Variants in YLPM1 observed in about 807,000 individuals in gnomAD.
YLPM1 encodes YLP motif containing 1, also known as YLP motif-containing protein 1.
YLPM1 carries 99 observed loss-of-function variants against 230.0 expected under a neutral mutation model. The ratio of observed to expected loss-of-function variants is 0.43; its 90% CI spans 0.37 to 0.51. YLPM1 has a LOEUF of 0.51. Among genes scored for constraint, YLPM1 ranks in the 20% least tolerant of loss-of-function variants. The pLI, the probability that YLPM1 is intolerant of heterozygous loss-of-function variation, is 0.00. For synonymous variants in YLPM1, 984 were observed against 942.5 expected (o/e 1.04, Z -0.81); for missense variants, 2,592 against 2,707.7 (o/e 0.96, Z 0.95).
At chr14:74,801,190 T>C (rs1253791199) in intron 5 of YLPM1, among the ~76,000 whole-genome samples, 1 of 152,204 alleles carries the variant, frequency 6.6e-6, no homozygotes, top group Non-Finnish European at 1.5e-5. Context: ...CTAGGCAACA[T>C]GAACATAATT....
At chr14:74,816,136 C>T in intron 11 of YLPM1, 67 bp from the exon 12 acceptor site, 1 of 1,440,234 alleles carries the variant, frequency 6.9e-7, no homozygotes, top group African/African-American at 1.4e-5. Context: ...TCATTGTTAA[C>T]TGTTATCTCA....
chr14:74,829,845 A>G (rs759906193), intron 19 of YLPM1, among the ~76,000 whole-genome samples: 27 of 152,218 alleles, frequency 1.8e-4, no homozygotes, highest in Non-Finnish European at 3.2e-4. Context: ...GAGAAATTCT[A>G]ATTTTTCTTC....
intron 10 of YLPM1, among the ~76,000 whole-genome samples, 167 bp from the exon 11 acceptor site, chr14:74,812,461 T>G (rs2091442366): frequency 6.6e-6 from 1 of 152,220 alleles, no homozygotes; most frequent in Non-Finnish European, 1.5e-5. Context: ...TTTTCTTGAC[T>G]TCAGTAGATT....
intron 15 of YLPM1, 111 bp from the exon 16 acceptor site, chr14:74,818,116 TTTAA>T: frequency 4.5e-6 from 2 of 441,138 alleles, no homozygotes; most frequent in Admixed American, 4.4e-5. Flanking sequence ...TTAACAAATA[TTTAA>T]TTAATATTTA....
chr14:74,773,422 A>G lies in YLPM1; in HGVS notation c.874-5025A>G, dbSNP rs1442395873. Among the ~76,000 whole-genome samples the G allele has an allele frequency of 2.0e-5, 3 of 152,242 alleles. No individual in the cohort carries two copies. In the South Asian group the frequency reaches 6.2e-4, roughly 31 times the overall value. On this transcript the variant is annotated intron_variant, in intron 1 of 20. Transcript: ENST00000325680. Reference sequence around the variant, plus strand: ...AGAATAGGTGATGAAGAAGCTGATAAAGAATCTGGACCTGTACAGTTTTCA... The same window carrying G: ...AGAATAGGTGATGAAGAAGCTGATAGAGAATCTGGACCTGTACAGTTTTCA...
intron 1 of YLPM1, among the ~76,000 whole-genome samples, chr14:74,768,078 T>C (rs1350407474): frequency 3.3e-5 from 5 of 152,332 alleles, no homozygotes; most frequent in Non-Finnish European, 5.9e-5. Context: ...ATTTTTTTTT[T>C]CTGCCATTTC....
At chr14:74,792,932 A>G (rs754973947) in intron 4 of YLPM1, among the ~76,000 whole-genome samples, 2 of 152,134 alleles carry the variant, frequency 1.3e-5, no homozygotes, top group African/African-American at 2.4e-5. Context: ...GTATCTGACA[A>G]TGTCTTTATT....
At chr14:74,767,693 T>A (rs1046561175) in intron 1 of YLPM1, among the ~76,000 whole-genome samples, 1 of 152,220 alleles carries the variant, frequency 6.6e-6, no homozygotes, top group Non-Finnish European at 1.5e-5. Flanking sequence ...TCCTATTTTC[T>A]TTTTCTACCT....
intron 2 of YLPM1, among the ~76,000 whole-genome samples, chr14:74,780,060 T>C (rs1156245814): frequency 6.6e-6 from 1 of 152,164 alleles, no homozygotes; most frequent in African/African-American, 2.4e-5. Context: ...CGCCTTGGCC[T>C]CCCAAAGTTC....
At chr14:74,820,430 T>C (rs1030384736) in intron 16 of YLPM1, among the ~76,000 whole-genome samples, 1 of 152,116 alleles carries the variant, frequency 6.6e-6, no homozygotes, top group Non-Finnish European at 1.5e-5. Flanking sequence ...TATTTTTTTT[T>C]AGAGATGGGG....
Position 74,799,064 on chromosome 14 carries a change from A to T in YLPM1, c.3767A>T (p.His1256Leu). The T allele has an allele frequency of 6.2e-7, 1 of 1,613,928 alleles. No homozygotes were observed. Among genetic ancestry groups the T allele is most frequent in the Non-Finnish European group, 8.5e-7 (1 of 1,179,822 alleles). The change falls in exon 5 of 21, where the codon CAT (histidine) becomes CTT (leucine). Residue 1256 changes from histidine to leucine, a missense_variant. This residue lies in a region of YLPM1 where 1,862 missense variants were observed against 1,819.8 expected (regional missense o/e 1.02). Transcript: ENST00000325680. Reference protein sequence around the residue: ...DRFSAPPSRSHDGDRRGPWWD... With the variant: ...DRFSAPPSRSLDGDRRGPWWD... ...TTCTCAGCACCACCATCTCGGTCTCATGATGGAGATAGGCGAGGCCCTTGG... is the reference window on the plus strand; with the variant it reads ...TTCTCAGCACCACCATCTCGGTCTCTTGATGGAGATAGGCGAGGCCCTTGG...
chr14:74,820,167 G>GT (rs2091509729), intron 16 of YLPM1, among the ~76,000 whole-genome samples: 1 of 152,196 alleles, frequency 6.6e-6, no homozygotes, highest in Non-Finnish European at 1.5e-5. Flanking sequence ...GTCCAAACCT[G>GT]TTTTTCATTT....
rs923819539 is a variant in YLPM1 at position 74,763,777 on chromosome 14, C to T, written c.288C>T (p.Gly96=). 2 of 1,509,592 alleles carry T rather than the reference C, an allele frequency of 1.3e-6. No homozygotes were observed. The highest frequency in any genetic ancestry group is 1.8e-6 in the Non-Finnish European group (2 of 1,130,652). The allele number at this position is 1,509,592 out of a possible 1,614,324, so 93.5% of individuals were successfully genotyped here. A position where few individuals can be genotyped will look rare whatever the true frequency, so the allele number is the denominator to read the frequency against. Residue 96 remains glycine (G), a synonymous_variant, in exon 1 of 21, where the codon GGC becomes GGT. Coordinates refer to ENST00000325680, the MANE Select transcript of YLPM1 (RefSeq NM_019589.3). ...CCCCGCCAGTGATGCCGGGGGGCGGCTACGGAGACTGGCAGCCGCCACCGC... is the reference window on the plus strand; with the variant it reads ...CCCCGCCAGTGATGCCGGGGGGCGGTTACGGAGACTGGCAGCCGCCACCGC... ...LPPPPVMPGG[G]YGDWQPPPPP...
At chr14:74,776,230 A>T (rs1376045739) in intron 1 of YLPM1, among the ~76,000 whole-genome samples, 1 of 152,228 alleles carries the variant, frequency 6.6e-6, no homozygotes, top group Non-Finnish European at 1.5e-5. Flanking sequence ...TAAACTCACC[A>T]CAGACACTGA....
At chr14:74,788,117 C>CTTTTT (rs55982413) in intron 4 of YLPM1, among the ~76,000 whole-genome samples, 2 of 148,836 alleles carry the variant, frequency 1.3e-5, no homozygotes, top group African/African-American at 2.5e-5. Context: ...GTCACATACC[C>CTTTTT]TTTTTTTTTT....
At chr14:74,810,865 C>T (rs1274740032) in intron 9 of YLPM1, among the ~76,000 whole-genome samples, 1 of 152,058 alleles carries the variant, frequency 6.6e-6, no homozygotes, top group African/African-American at 2.4e-5. Flanking sequence ...AGTCTGTCAC[C>T]CAGGCTGGAA....
chr14:74,782,166 C>G lies in YLPM1; in HGVS notation c.2123C>G (p.Ala708Gly), dbSNP rs773956735. The change falls in exon 4 of 21, where the codon GCT becomes GGT. Residue 708 changes from alanine to glycine, a missense_variant. Physicochemically the swap from Ala to Gly is moderately conservative, Grantham distance 60. Coordinates refer to ENST00000325680, the MANE Select transcript of YLPM1 (RefSeq NM_019589.3). ...TCAAAAGCTCCTTTGAGCAAGTCTGCTCTGCCATACAGTTCATTCTCATCT... is the reference window on the plus strand; with the variant it reads ...TCAAAAGCTCCTTTGAGCAAGTCTGGTCTGCCATACAGTTCATTCTCATCT... ...VNSKAPLSKS[A>G]LPYSSFSSDQ... 1 of 1,612,040 alleles carries G rather than the reference C, an allele frequency of 6.2e-7. No individual in the cohort carries two copies. The highest frequency in any genetic ancestry group is 8.5e-7 in the Non-Finnish European group (1 of 1,179,740).
At position 74,818,312 on chromosome 14, in the gene YLPM1, G is replaced by A; in HGVS notation, c.6028G>A (p.Glu2010Lys). ...RSLLQDAAIE[E>K]VEMEDFDANI... ...TTTGCTGCAAGATGCTGCTATTGAA[G>A]AGGTGAGTATCCTTTGGTTCAAATG... Residue 2010 changes from glutamate (E) to lysine (K), a missense_variant and splice_region_variant, in exon 16 of 21, where the codon GAG becomes AAG. Physicochemically the swap from Glu to Lys is moderately conservative, Grantham distance 56. Coordinates refer to ENST00000325680, the MANE Select transcript of YLPM1 (RefSeq NM_019589.3). The A allele has an allele frequency of 1.3e-6, 2 of 1,596,356 alleles. No homozygotes were observed. The highest frequency in any genetic ancestry group is 1.7e-6 in the Non-Finnish European group (2 of 1,171,284).
Position 74,798,625 on chromosome 14 carries a change from G to A in YLPM1, c.3328G>A (p.Glu1110Lys), listed in dbSNP as rs1363285072. 1.9e-6 allele frequency: 3 copies of A among 1,612,194 alleles called. No homozygotes were observed. The highest frequency in any genetic ancestry group is 2.5e-6 in the Non-Finnish European group (3 of 1,178,790). The change falls in exon 5 of 21, where the codon GAA (glutamate) becomes AAA (lysine). Residue 1110 changes from glutamate (E) to lysine (K), a missense_variant. This residue lies in a region of YLPM1 where 1,862 missense variants were observed against 1,819.8 expected (regional missense o/e 1.02). Transcript: ENST00000325680. ...SQDRGAAGSR[E>K]RGPPRRAGSQ... ...GGACAGGGGTGCAGCTGGCAGCCGAGAAAGGGGACCACCTCGGAGGGCTGG... is the reference window on the plus strand; with the variant it reads ...GGACAGGGGTGCAGCTGGCAGCCGAAAAAGGGGACCACCTCGGAGGGCTGG...
Sources: gnomAD v4.1 joint callset for allele counts (sites outside exome capture counted in the v4.1 genomes callset) on GRCh38, gnomAD v4.1.1 for gene constraint, gnomAD v4.1.1 regional missense constraint, MANE v1.5 for transcripts, NCBI Gene and HGNC (gene_info 2026-07-23, HGNC 2026-07-21) for gene names.